Variants in PARN observed in about 807,000 individuals in gnomAD.
PARN encodes the protein poly(A)-specific ribonuclease, also known as poly(A)-specific ribonuclease PARN.
Under a neutral mutation model 102.8 loss-of-function variants are expected in PARN, and 71 were observed. That is an observed-to-expected ratio of 0.69 (90% CI 0.57 to 0.84). The LOEUF is 0.84. Ranked by LOEUF, PARN falls within the 40% of genes least tolerant of loss-of-function variation. The pLI, the probability that PARN is intolerant of heterozygous loss-of-function variation, is 0.00. For missense variants in PARN, 782 were observed against 760.9 expected (o/e 1.03, Z -0.33); for synonymous variants, 261 against 252.9 (o/e 1.03, Z -0.30).
intron 1 of PARN, 145 bp downstream of exon 1, chr16:14,629,962 A>G: frequency 2.7e-6 from 2 of 751,568 alleles, no homozygotes; most frequent in Non-Finnish European, 4.4e-6. Flanking sequence ...AAAGACCCCA[A>G]GAGGCGCACC....
At chr16:14,566,532 T>C (rs1164735282) in intron 18 of PARN, among the ~76,000 whole-genome samples, 1 of 152,200 alleles carries the variant, frequency 6.6e-6, no homozygotes, top group Non-Finnish European at 1.5e-5. Flanking sequence ...TGTATTCACC[T>C]AAAACACTTG....
chr16:14,575,177 T>A (rs1969048830), intron 18 of PARN, among the ~76,000 whole-genome samples: 2 of 152,030 alleles, frequency 1.3e-5, no homozygotes, highest in African/African-American at 4.8e-5. Flanking sequence ...AAATGTGGGG[T>A]CAGAACCCCC....
chr16:14,602,403 A>G (rs1042301774), intron 11 of PARN, among the ~76,000 whole-genome samples: 2 of 152,040 alleles, frequency 1.3e-5, no homozygotes, highest in African/African-American at 2.4e-5. Flanking sequence ...GCCAATGACA[A>G]TCATGCCTAG....
At chr16:14,627,790 C>A (rs1051980491) in intron 3 of PARN, among the ~76,000 whole-genome samples, 1 of 152,082 alleles carries the variant, frequency 6.6e-6, no homozygotes, top group Admixed American at 6.6e-5. Context: ...AAGTTCGAGA[C>A]CAGCCTGGTC....
At position 14,468,596 on chromosome 16, in the gene PARN, G is replaced by A. The variant is rs564270344; in HGVS notation, c.1670+14042C>T. ...GGCAGGTAAGCCATCAGCCACATGG[G>A]CATTAGCTAATTATTCTGTTCGGAA... is the stretch of plus-strand genomic sequence containing the variant. On this transcript the variant is annotated intron_variant, in intron 22 of 23. Coordinates refer to ENST00000437198, the MANE Select transcript of PARN (RefSeq NM_002582.4). 1.1e-4 allele frequency among the ~76,000 whole-genome samples: 16 copies of A among 152,276 alleles called. No homozygotes were observed. In the South Asian group the frequency reaches 3.1e-3, roughly 30 times the overall value.
At chr16:14,605,300 G>A (rs1971114834) in intron 10 of PARN, among the ~76,000 whole-genome samples, 1 of 152,160 alleles carries the variant, frequency 6.6e-6, no homozygotes, top group Non-Finnish European at 1.5e-5. Context: ...GCCAACATAA[G>A]TTGAGCTAAT....
chr16:14,456,839 C>T (rs958523507), intron 22 of PARN, among the ~76,000 whole-genome samples: 17 of 152,170 alleles, frequency 1.1e-4, no homozygotes, highest in African/African-American at 3.9e-4. Flanking sequence ...ACGGAGGAGC[C>T]GAAACAGCCA....
chr16:14,501,565 T>C (rs1204627540), intron 21 of PARN: 2 of 151,672 alleles, frequency 1.3e-5, no homozygotes, highest in Non-Finnish European at 2.9e-5. Context: ...CACCCTGATG[T>C]GGTTGGCCAA....
At position 14,606,467 on chromosome 16, in the gene PARN, A is replaced by C; in HGVS notation, c.702+17T>G. Reference sequence around the variant, plus strand: ...TGGATGTGTTTAATGTTAGCCCTAGATAATTCTTGGGGTTACCTTTTCAGT... The same window carrying C: ...TGGATGTGTTTAATGTTAGCCCTAGCTAATTCTTGGGGTTACCTTTTCAGT... On this transcript the variant is annotated intron_variant, in intron 10 of 23. Coordinates refer to ENST00000437198, the MANE Select transcript of PARN (RefSeq NM_002582.4). The C allele has an allele frequency of 6.7e-7, 1 of 1,488,192 alleles. No individual in the cohort carries two copies. The highest frequency in any genetic ancestry group is 9.3e-7 in the Non-Finnish European group (1 of 1,076,926). 92.2% of individuals were successfully genotyped at this position (1,488,192 alleles called of 1,614,324 possible). A position where few individuals can be genotyped will look rare whatever the true frequency, so the allele number is the denominator to read the frequency against.
At chr16:14,526,472 C>T (rs371396688) in intron 21 of PARN, among the ~76,000 whole-genome samples, 1 of 152,078 alleles carries the variant, frequency 6.6e-6, no homozygotes, top group African/African-American at 2.4e-5. Context: ...CCACCGTGCC[C>T]GGCCTCATCC....
In PARN at chr16:14,436,201, C is replaced by T. The variant is rs915037808; in HGVS notation, c.*516G>A. ...GAAGGAAGGACAAGCTTGAGAGCGT[C>T]ATGTTTTCAGGCAGCTATGGTGGGA... On this transcript the variant is annotated 3_prime_UTR_variant, in exon 24 of 24. Transcript: ENST00000437198. The T allele has an allele frequency of 2.6e-5, 4 of 155,208 alleles. No individual in the cohort carries two copies. Among genetic ancestry groups the T allele is most frequent in the African/African-American group, 9.6e-5 (4 of 41,458 alleles). 9.6% of individuals were successfully genotyped at this position (155,208 alleles called of 1,614,324 possible).
intron 21 of PARN, among the ~76,000 whole-genome samples, chr16:14,509,337 A>G (rs899299434): frequency 3.9e-5 from 6 of 152,208 alleles, no homozygotes; most frequent in African/African-American, 1.4e-4. Flanking sequence ...TCACAGAAAG[A>G]ACAAACAGCG....
At chr16:14,503,181 G>A (rs1357268125) in intron 21 of PARN, among the ~76,000 whole-genome samples, 1 of 152,128 alleles carries the variant, frequency 6.6e-6, no homozygotes, top group Non-Finnish European at 1.5e-5. Context: ...CCTTTCTGGG[G>A]AATGAGAACA....
chr16:14,624,459 G>GTGAGTATCTTCAAGTCTATGATA (rs1257684072), intron 5 of PARN, among the ~76,000 whole-genome samples: 1 of 151,928 alleles, frequency 6.6e-6, no homozygotes, highest in Non-Finnish European at 1.5e-5. Context: ...TTACTCTCTG[G>GTGAGTATCTTCAAGTCTATGATA]GCTATCTTCA....
In PARN at chr16:14,586,753, G is replaced by A. The variant is rs186170807; in HGVS notation, c.919-392C>T. Among the ~76,000 whole-genome samples, 3 of 152,280 alleles carry A rather than the reference G, an allele frequency of 2.0e-5. No individual in the cohort carries two copies. In the East Asian group the frequency reaches 5.8e-4, roughly 29 times the overall value. On this transcript the variant is annotated intron_variant, in intron 13 of 23. Coordinates refer to ENST00000437198, the MANE Select transcript of PARN (RefSeq NM_002582.4). ...CCACACAAATTTATCATAACAGTGA[G>A]ACAAGCAGAGTCATTTAAATTAAAT...
chr16:14,571,235 T>C (rs1567398687), intron 18 of PARN, among the ~76,000 whole-genome samples: 1 of 151,532 alleles, frequency 6.6e-6, no homozygotes, highest in Non-Finnish European at 1.5e-5. Context: ...AATACAAAAA[T>C]TAGCTAGGAG....
At chr16:14,444,277 CAATTAA>C (rs1307603239) in intron 23 of PARN, among the ~76,000 whole-genome samples, 1 of 150,914 alleles carries the variant, frequency 6.6e-6, no homozygotes. Context: ...TTCTCTGATT[CAATTAA>C]AAGTTGTCAA....
chr16:14,510,428 T>C (rs1166673579), intron 21 of PARN, among the ~76,000 whole-genome samples: 8 of 152,032 alleles, frequency 5.3e-5, no homozygotes, highest in Non-Finnish European at 1.0e-4. Context: ...AAATGAAGAA[T>C]GGGGAAGCTA....
intron 22 of PARN, among the ~76,000 whole-genome samples, chr16:14,478,379 C>T (rs1238113637): frequency 2.0e-5 from 3 of 152,078 alleles, no homozygotes; most frequent in African/African-American, 7.2e-5. Flanking sequence ...AGAAAGAGCA[C>T]CTGAAAAGAC....
Sources: allele counts gnomAD v4.1 joint callset (sites outside exome capture counted in the v4.1 genomes callset), GRCh38; gene constraint gnomAD v4.1.1; transcripts MANE v1.5; gene names NCBI Gene and HGNC (gene_info 2026-07-23, HGNC 2026-07-21).